Variants in CAB39 observed in about 807,000 individuals in gnomAD.
The protein encoded by CAB39 is calcium-binding protein 39.
In CAB39, 8 loss-of-function variants were observed where a neutral mutation model predicts 40.0. The observed-to-expected ratio is 0.20, with a 90% CI of 0.12 to 0.36. The LOEUF is 0.36. Ranked by LOEUF, CAB39 falls within the 10% of genes least tolerant of loss-of-function variation. The pLI is 1.00. For synonymous variants in CAB39, 156 were observed against 141.6 expected (o/e 1.10, Z -0.72); for missense variants, 270 against 401.1 (o/e 0.67, Z 2.79).
At chr2:230,724,844 G>C (rs112848421) in intron 1 of CAB39, among the ~76,000 whole-genome samples, 2 of 150,654 alleles carry the variant, frequency 1.3e-5, no homozygotes, top group Admixed American at 6.6e-5. Flanking sequence ...GAGCCAAATG[G>C]TATCAAACGG....
rs140290924 is a variant in CAB39, at chr2:230,758,506, A to G, written c.-43-1453A>G. On this transcript the variant is annotated intron_variant, in intron 1 of 8. Transcript: ENST00000258418. Reference sequence around the variant, plus strand: ...ACATACTTGTTTATGATTTAGTTGTAGGCTTGACATTAGCATTCATTTGCA... The same window carrying G: ...ACATACTTGTTTATGATTTAGTTGTGGGCTTGACATTAGCATTCATTTGCA... 8.1e-4 allele frequency among the ~76,000 whole-genome samples: 123 copies of G among 152,330 alleles called. 1 individual carries two copies. The highest frequency in any genetic ancestry group is 2.9e-4 in the Non-Finnish European group (20 of 68,028).
intron 2 of CAB39, among the ~76,000 whole-genome samples, chr2:230,773,314 A>G (rs10544418): frequency 0.12 from 16,112 of 132,496 alleles, 1,070 homozygotes; most frequent in Non-Finnish European, 0.13. Flanking sequence ...ATATATATAT[A>G]TGTGTGTGTG....
chr2:230,799,683 G>C (rs1232938176), intron 5 of CAB39, among the ~76,000 whole-genome samples: 3 of 152,136 alleles, frequency 2.0e-5, no homozygotes, highest in Admixed American at 1.3e-4. Context: ...TAAATATTTA[G>C]AACTGTTTTA....
At chr2:230,812,636 G>A (rs1012245675) in intron 6 of CAB39, among the ~76,000 whole-genome samples, 1 of 152,170 alleles carries the variant, frequency 6.6e-6, no homozygotes, top group Non-Finnish European at 1.5e-5. Flanking sequence ...TGAGAAGGTA[G>A]ACTTAACAGC....
In CAB39 at chr2:230,760,644, A is replaced by T. The variant is rs184817952; in HGVS notation, c.114+529A>T. 4.0e-3 allele frequency among the ~76,000 whole-genome samples: 608 copies of T among 152,306 alleles called. 1 individual carries two copies. Among genetic ancestry groups the T allele is most frequent in the African/African-American group, 0.013 (560 of 41,566 alleles). On this transcript the variant is annotated intron_variant, in intron 2 of 8. Coordinates refer to ENST00000258418, the MANE Select transcript of CAB39 (RefSeq NM_016289.4). ...GATTCTTGAAATCGGTTCTTCCCCCACAATCTTCCTGGGAGGACACCCCTC... is the reference window on the plus strand; with the variant it reads ...GATTCTTGAAATCGGTTCTTCCCCCTCAATCTTCCTGGGAGGACACCCCTC...
intron 1 of CAB39, among the ~76,000 whole-genome samples, chr2:230,748,831 AATATATATATATATATATATATATAT>A (rs71052546): frequency 3.5e-5 from 1 of 28,512 alleles, no homozygotes; most frequent in Non-Finnish European, 6.3e-5. Context: ...AAAAAAAAAA[AATATATATATATATATATATATATAT>A]ATATATATAT....
chr2:230,723,885 C>T (rs1373827003), intron 1 of CAB39, among the ~76,000 whole-genome samples: 1 of 152,102 alleles, frequency 6.6e-6, no homozygotes, highest in Non-Finnish European at 1.5e-5. Flanking sequence ...TTCAGTGTGA[C>T]CTGAAGTTGC....
chr2:230,783,934 A>G (rs1004715858), intron 2 of CAB39, among the ~76,000 whole-genome samples: 1 of 152,250 alleles, frequency 6.6e-6, no homozygotes, highest in East Asian at 1.9e-4. Context: ...TCAATAATGT[A>G]TGAAGCATTT....
intron 5 of CAB39, among the ~76,000 whole-genome samples, chr2:230,800,516 T>C (rs1240813380): frequency 6.6e-6 from 1 of 152,244 alleles, no homozygotes; most frequent in East Asian, 1.9e-4. Flanking sequence ...GTTGGTGGGC[T>C]AGGACTCATG....
intron 4 of CAB39, 73 bp downstream of exon 4, chr2:230,793,404 G>T: frequency 1.5e-6 from 1 of 663,762 alleles, no homozygotes; most frequent in Non-Finnish European, 2.5e-6. Flanking sequence ...AAAAAAACAG[G>T]ATGCTGAATG....
At chr2:230,765,438 G>A (rs1384997018) in intron 2 of CAB39, among the ~76,000 whole-genome samples, 2 of 152,172 alleles carry the variant, frequency 1.3e-5, no homozygotes, top group Non-Finnish European at 2.9e-5. Flanking sequence ...CGCTTTGAAA[G>A]GGTCTTGAGG....
intron 3 of CAB39, among the ~76,000 whole-genome samples, chr2:230,793,008 A>G (rs1316575418): frequency 3.9e-5 from 6 of 152,236 alleles, no homozygotes; most frequent in Admixed American, 3.9e-4. Flanking sequence ...TTGTCAACAC[A>G]TTGTTCATGT....
intron 2 of CAB39, among the ~76,000 whole-genome samples, chr2:230,783,380 T>G (rs574424630): frequency 3.2e-4 from 49 of 152,356 alleles, no homozygotes; most frequent in African/African-American, 1.1e-3. Flanking sequence ...CTGCAGTTAT[T>G]TTTTCACATC....
chr2:230,805,164 G>A (rs370616482), intron 5 of CAB39, among the ~76,000 whole-genome samples: 23 of 151,654 alleles, frequency 1.5e-4, no homozygotes, highest in Middle Eastern at 3.4e-3. Context: ...ACCAAACACC[G>A]CATGTTCTCA....
intron 2 of CAB39, among the ~76,000 whole-genome samples, chr2:230,764,522 T>C (rs866996560): frequency 3.3e-5 from 5 of 152,230 alleles, no homozygotes; most frequent in Non-Finnish European, 7.3e-5. Context: ...CACTGACATA[T>C]ACAGATCTCC....
At position 230,714,223 on chromosome 2, in the gene CAB39, A is replaced by G. The variant is rs59027010; in HGVS notation, c.-44+993A>G. ...GCTATTTGAGCAGCATTCTAAGAGA[A>G]ACTTAGAGCTCATTTCTCAGTGACT... is the stretch of plus-strand genomic sequence containing the variant. On this transcript the variant is annotated intron_variant, in intron 1 of 8. Transcript: ENST00000258418. Among the ~76,000 whole-genome samples the G allele has an allele frequency of 8.5e-3, 1,291 of 152,282 alleles. 19 individuals carry two copies. Among genetic ancestry groups the G allele is most frequent in the African/African-American group, 0.029 (1,206 of 41,544 alleles).
chr2:230,719,164 T>C (rs1278141022), intron 1 of CAB39, among the ~76,000 whole-genome samples: 2 of 152,152 alleles, frequency 1.3e-5, no homozygotes, highest in African/African-American at 4.8e-5. Context: ...TAACAAAAAT[T>C]AGTTAGCTTG....
rs1283127593 is a variant in CAB39 at position 230,803,887 on chromosome 2, G to T, written c.567+4990G>T. 5.9e-5 allele frequency among the ~76,000 whole-genome samples: 9 copies of T among 152,110 alleles called. No individual in the cohort carries two copies. In the East Asian group the frequency reaches 1.7e-3, roughly 29 times the overall value. On this transcript the variant is annotated intron_variant, in intron 5 of 8. Transcript: ENST00000258418. Reference sequence around the variant, plus strand: ...TACCACTGACTTTCTTCACAGAATTGGAAAAATCTACTTTAAAGTTCATAT... The same window carrying T: ...TACCACTGACTTTCTTCACAGAATTTGAAAAATCTACTTTAAAGTTCATAT...
chr2:230,816,160 C>G (rs542635199), intron 7 of CAB39, among the ~76,000 whole-genome samples: 3 of 152,186 alleles, frequency 2.0e-5, no homozygotes, highest in Non-Finnish European at 4.4e-5. Context: ...GTAGTCCCAG[C>G]TACTTGGGAG....
Sources: gnomAD v4.1 joint callset for allele counts (sites outside exome capture counted in the v4.1 genomes callset) on GRCh38, gnomAD v4.1.1 for gene constraint, MANE v1.5 for transcripts, NCBI Gene and HGNC (gene_info 2026-07-23, HGNC 2026-07-21) for gene names.